Variants in GABBR2 observed in about 807,000 individuals in gnomAD.
GABBR2 encodes the protein gamma-aminobutyric acid type B receptor subunit 2, also known as G-protein coupled receptor 51.
In GABBR2, 23 loss-of-function variants were observed where a neutral mutation model predicts 105.6. The ratio of observed to expected loss-of-function variants is 0.22; its 90% CI spans 0.16 to 0.31. GABBR2 has a LOEUF of 0.31. GABBR2 is among the 10% of genes least tolerant of loss of function. GABBR2 has a pLI of 1.00. For missense variants in GABBR2, 734 were observed against 1,245.5 expected (o/e 0.59, Z 6.18); for synonymous variants, 478 against 499.7 (o/e 0.96, Z 0.58).
At chr9:98,558,623 C>T (rs1828622844) in intron 2 of GABBR2, among the ~76,000 whole-genome samples, 1 of 152,208 alleles carries the variant, frequency 6.6e-6, no homozygotes, top group Non-Finnish European at 1.5e-5. Flanking sequence ...CTTCCAGTGC[C>T]ACAATTATGT....
chr9:98,688,534 A>T (rs897180276), intron 1 of GABBR2, among the ~76,000 whole-genome samples: 2 of 152,110 alleles, frequency 1.3e-5, no homozygotes, highest in Non-Finnish European at 2.9e-5. Flanking sequence ...TCTTTATCTC[A>T]TTGAAAAATC....
At chr9:98,696,550 G>A (rs1006843123) in intron 1 of GABBR2, among the ~76,000 whole-genome samples, 2 of 152,154 alleles carry the variant, frequency 1.3e-5, no homozygotes, top group South Asian at 2.1e-4. Flanking sequence ...GCATGGTAAC[G>A]ATCCCTGGGC....
In GABBR2 at chr9:98,436,332, AC is replaced by A. The variant is rs1825908328; in HGVS notation, c.1236+17648del. ...ATAAATATACCATATATATATATAT[AC>A]ACACACACACACACCATATATATAT... On this transcript the variant is annotated intron_variant, in intron 7 of 18. Coordinates refer to ENST00000259455, the MANE Select transcript of GABBR2 (RefSeq NM_005458.8). 4.7e-4 allele frequency among the ~76,000 whole-genome samples: 10 copies of A among 21,480 alleles called. 2 individuals carry two copies. The highest frequency in any genetic ancestry group is 2.7e-3 in the African/African-American group (10 of 3,672). 14.1% of individuals were successfully genotyped at this position (21,480 alleles called of 152,430 possible).
intron 1 of GABBR2, among the ~76,000 whole-genome samples, chr9:98,697,445 G>C (rs1447576278): frequency 6.6e-6 from 1 of 151,676 alleles, no homozygotes; most frequent in Non-Finnish European, 1.5e-5. Context: ...GAGCGGAGAT[G>C]GCGCCACTGC....
At chr9:98,581,081 C>T (rs568677191) in intron 1 of GABBR2, 9 of 152,452 alleles carry the variant, frequency 5.9e-5, no homozygotes, top group East Asian at 1.9e-4. Flanking sequence ...GGGAGCTCAC[C>T]GATGGTGGAG....
At chr9:98,293,709 C>A in intron 18 of GABBR2, 76 bp downstream of exon 18, 2 of 774,530 alleles carry the variant, frequency 2.6e-6, no homozygotes, top group Non-Finnish European at 4.4e-6. Flanking sequence ...GTGAAAACAT[C>A]GTGCAAATTG....
chr9:98,608,672 C>T (rs1270907729), intron 1 of GABBR2, among the ~76,000 whole-genome samples: 1 of 152,210 alleles, frequency 6.6e-6, no homozygotes, highest in Non-Finnish European at 1.5e-5. Context: ...TATATGCTTA[C>T]AGTGCACCTA....
chr9:98,437,213 C>T (rs1304196947), intron 7 of GABBR2, among the ~76,000 whole-genome samples: 5 of 152,120 alleles, frequency 3.3e-5, no homozygotes, highest in Non-Finnish European at 5.9e-5. Flanking sequence ...TCTAGAGAAA[C>T]GTGCTTTGAT....
intron 13 of GABBR2, among the ~76,000 whole-genome samples, chr9:98,342,301 G>C (rs1304669913): frequency 1.3e-5 from 2 of 152,160 alleles, no homozygotes; most frequent in Non-Finnish European, 2.9e-5. Context: ...TAGAGGAAGA[G>C]AGTGGGATGC....
At chr9:98,363,822 G>T (rs976602985) in intron 12 of GABBR2, among the ~76,000 whole-genome samples, 1 of 152,144 alleles carries the variant, frequency 6.6e-6, no homozygotes, top group African/African-American at 2.4e-5. Context: ...GTTTGATAGG[G>T]ATCGGCTGGG....
intron 1 of GABBR2, among the ~76,000 whole-genome samples, chr9:98,628,879 T>G (rs1266430340): frequency 6.6e-6 from 1 of 152,200 alleles, no homozygotes; most frequent in African/African-American, 2.4e-5. Context: ...TGCACGCGCG[T>G]GCACCTACCC....
At chr9:98,446,364 C>T (rs1826129950) in intron 7 of GABBR2, among the ~76,000 whole-genome samples, 1 of 152,208 alleles carries the variant, frequency 6.6e-6, no homozygotes, top group Admixed American at 6.5e-5. Context: ...TTTACCGCCA[C>T]TCTACAAATG....
intron 13 of GABBR2, among the ~76,000 whole-genome samples, chr9:98,355,291 C>T: frequency 6.6e-6 from 1 of 151,636 alleles, no homozygotes; most frequent in Non-Finnish European, 1.5e-5. Flanking sequence ...CAACATGTGA[C>T]ACCGAGACAC....
chr9:98,640,414 C>T (rs552970174), intron 1 of GABBR2, among the ~76,000 whole-genome samples: 1 of 152,152 alleles, frequency 6.6e-6, no homozygotes, highest in Non-Finnish European at 1.5e-5. Context: ...TGGTGGCATA[C>T]AGGGGCAGAT....
chr9:98,351,024 T>A (rs1157100230), intron 13 of GABBR2, among the ~76,000 whole-genome samples: 2 of 152,218 alleles, frequency 1.3e-5, no homozygotes, highest in African/African-American at 4.8e-5. Context: ...TGACTTAAAG[T>A]ATATTTTGTT....
At chr9:98,403,421 G>C (rs1832433864) in intron 8 of GABBR2, among the ~76,000 whole-genome samples, 1 of 152,088 alleles carries the variant, frequency 6.6e-6, no homozygotes, top group African/African-American at 2.4e-5. Flanking sequence ...CTTGTGCCTG[G>C]GTGTCCGTGG....
At chr9:98,292,275 C>T (rs1467912481) in intron 18 of GABBR2, among the ~76,000 whole-genome samples, 1 of 152,218 alleles carries the variant, frequency 6.6e-6, no homozygotes, top group Non-Finnish European at 1.5e-5. Flanking sequence ...AGAAATACTG[C>T]TATTCCCATT....
intron 2 of GABBR2, among the ~76,000 whole-genome samples, chr9:98,549,928 G>T (rs1828458016): frequency 6.6e-6 from 1 of 152,170 alleles, no homozygotes; most frequent in South Asian, 2.1e-4. Context: ...TGGCCACCTG[G>T]CCAGAGGAGT....
intron 3 of GABBR2, 96 bp from the exon 4 acceptor site, chr9:98,496,610 G>C: frequency 1.3e-6 from 1 of 781,226 alleles, no homozygotes; most frequent in Non-Finnish European, 2.3e-6. Flanking sequence ...TGGGCAAAGC[G>C]ATTTTCTCTA....
Sources: gnomAD v4.1 joint callset for allele counts (sites outside exome capture counted in the v4.1 genomes callset) on GRCh38, gnomAD v4.1.1 for gene constraint, MANE v1.5 for transcripts, NCBI Gene and HGNC (gene_info 2026-07-23, HGNC 2026-07-21) for gene names.